The following CPPED1 variants were observed in gnomAD, a reference collection of about 807,000 sequenced individuals.
The protein encoded by CPPED1 is calcineurin like phosphoesterase domain containing 1, also known as serine/threonine-protein phosphatase CPPED1.
In CPPED1, 28 loss-of-function variants were observed where a neutral mutation model predicts 28.0. The observed-to-expected ratio is 1.00, with a 90% CI of 0.74 to 1.37. The LOEUF is 1.37. CPPED1 is among the 40% of genes most tolerant of loss of function. The pLI is 0.00. For missense variants in CPPED1, 504 were observed against 416.5 expected (o/e 1.21, Z -1.83); for synonymous variants, 198 against 180.2 (o/e 1.10, Z -0.79).
At chr16:12,745,420 T>G (rs563132121) in intron 2 of CPPED1, among the ~76,000 whole-genome samples, 36 of 152,264 alleles carry the variant, frequency 2.4e-4, no homozygotes, top group African/African-American at 8.7e-4. Context: ...GGAGTCAACC[T>G]AAATGCCCAC....
chr16:12,794,864 C>T (rs1389290570), intron 1 of CPPED1, among the ~76,000 whole-genome samples: 2 of 152,216 alleles, frequency 1.3e-5, no homozygotes, highest in Non-Finnish European at 2.9e-5. Context: ...CAATGGCCGT[C>T]CTTCCAAAAT....
rs1341248990 is a variant in CPPED1 at position 12,662,334 on chromosome 16, T to G, written c.*2552A>C. ...ACCTCTTGCCTCTGGGAAATACTGC[T>G]GTTTGCTTACTTAAAAAGTGGTGAG... On this transcript the variant is annotated 3_prime_UTR_variant, in exon 4 of 4. Coordinates refer to ENST00000381774, the MANE Select transcript of CPPED1 (RefSeq NM_018340.3). 2 of 152,232 alleles carry G rather than the reference T, an allele frequency of 1.3e-5. No individual in the cohort carries two copies. The highest frequency in any genetic ancestry group is 4.8e-5 in the African/African-American group (2 of 41,454). 9.4% of individuals were successfully genotyped at this position (152,232 alleles called of 1,614,324 possible).
chr16:12,672,278 T>C (rs1330881800), intron 3 of CPPED1, among the ~76,000 whole-genome samples: 1 of 152,212 alleles, frequency 6.6e-6, no homozygotes, highest in Non-Finnish European at 1.5e-5. Flanking sequence ...AAAAAAACCA[T>C]TTTGGTAGAC....
At position 12,690,527 on chromosome 16, in the gene CPPED1, A is replaced by AG. The variant is rs1364330789; in HGVS notation, c.715+14096_715+14097insC. Among the ~76,000 whole-genome samples the AG allele has an allele frequency of 9.9e-5, 15 of 151,526 alleles. No homozygotes were observed. The South Asian group carries it at 1.0e-3, about 11-fold the overall frequency. The stretch of plus-strand genomic sequence containing the variant: ...AGACTCCTTCTCAAGAAAGAAAGAA[A>AG]AAAAAAAGGCCAGGTGTGGTGGCTC... On this transcript the variant is annotated intron_variant, in intron 3 of 3. Coordinates refer to ENST00000381774, the MANE Select transcript of CPPED1 (RefSeq NM_018340.3).
chr16:12,787,538 G>A (rs1055002879), intron 1 of CPPED1, among the ~76,000 whole-genome samples: 4 of 151,560 alleles, frequency 2.6e-5, no homozygotes, highest in African/African-American at 9.7e-5. Flanking sequence ...CTGAGCAGCT[G>A]GGATTATACA....
intron 3 of CPPED1, 73 bp from the exon 4 acceptor site, chr16:12,665,188 T>C (rs979547346): frequency 7.6e-7 from 1 of 1,319,782 alleles, no homozygotes. Context: ...CAGCATTTTA[T>C]TCTGTGAACA....
intron 2 of CPPED1, among the ~76,000 whole-genome samples, chr16:12,734,075 T>G (rs1207398035): frequency 7.7e-6 from 1 of 129,726 alleles, no homozygotes; most frequent in African/African-American, 2.9e-5. Flanking sequence ...TTTTTTTTTT[T>G]TTTTTTTTTT....
intron 2 of CPPED1, among the ~76,000 whole-genome samples, chr16:12,707,858 G>C (rs1327375396): frequency 6.6e-6 from 1 of 152,110 alleles, no homozygotes; most frequent in Non-Finnish European, 1.5e-5. Flanking sequence ...GCAAAAATGA[G>C]CCTCTTGGCA....
chr16:12,704,789 A>G lies in CPPED1; in HGVS notation c.550T>C (p.Trp184Arg). The G allele has an allele frequency of 1.2e-6, 2 of 1,614,178 alleles. No individual in the cohort carries two copies. The change falls in exon 3 of 4, where the codon TGG becomes CGG. Residue 184 changes from tryptophan (W) to arginine (R), a missense_variant. Trp to Arg is a moderately radical substitution (Grantham distance 101, BLOSUM62 -3). Coordinates refer to ENST00000381774, the MANE Select transcript of CPPED1 (RefSeq NM_018340.3). ...GCGATGCTCAGCTGCTCGTCCAGCC[A>G]CTGGTCCTGAGCCTGCTTCAGGCTG... Reference protein sequence around the residue: ...CPSLKQAQDQWLDEQLSIARQ... With the variant: ...CPSLKQAQDQRLDEQLSIARQ...
At chr16:12,719,842 A>G (rs2080129135) in intron 2 of CPPED1, among the ~76,000 whole-genome samples, 1 of 152,106 alleles carries the variant, frequency 6.6e-6, no homozygotes, top group South Asian at 2.1e-4. Flanking sequence ...AGGGTGAGGC[A>G]GGAGAATTGC....
chr16:12,679,184 C>T (rs1191825700), intron 3 of CPPED1, among the ~76,000 whole-genome samples: 2 of 152,176 alleles, frequency 1.3e-5, no homozygotes, highest in Non-Finnish European at 2.9e-5. Flanking sequence ...AACTGCTATC[C>T]TCCCCATTCG....
At chr16:12,787,206 GA>G (rs2141242417) in intron 1 of CPPED1, among the ~76,000 whole-genome samples, 1 of 152,026 alleles carries the variant, frequency 6.6e-6, no homozygotes, top group South Asian at 2.1e-4. Context: ...AGGAATAAAA[GA>G]AAAAAGAATT....
At chr16:12,748,983 G>C (rs1029881662) in intron 2 of CPPED1, among the ~76,000 whole-genome samples, 6 of 151,714 alleles carry the variant, frequency 4.0e-5, no homozygotes, top group African/African-American at 1.5e-4. Flanking sequence ...GCAATCATCT[G>C]AGCCTTCAGT....
intron 2 of CPPED1, among the ~76,000 whole-genome samples, chr16:12,761,865 G>T (rs1409835582): frequency 6.6e-6 from 1 of 152,128 alleles, no homozygotes; most frequent in Non-Finnish European, 1.5e-5. Flanking sequence ...ACAAAAAGTA[G>T]CCGGGCATGG....
Position 12,701,231 on chromosome 16 carries a change from G to GA in CPPED1, c.715+3392dup, listed in dbSNP as rs936803374. The stretch of plus-strand genomic sequence containing the variant: ...GTGACATAGTAAGACTCCATCTCAA[G>GA]AAAAAAAAAATGTTGAGGCCGGGTG... On this transcript the variant is annotated intron_variant, in intron 3 of 3. Coordinates refer to ENST00000381774, the MANE Select transcript of CPPED1 (RefSeq NM_018340.3). 3.5e-4 allele frequency among the ~76,000 whole-genome samples: 52 copies of GA among 148,690 alleles called. 1 individual carries two copies. The highest frequency in any genetic ancestry group is 1.0e-3 in the African/African-American group (41 of 40,670).
At chr16:12,785,635 C>A (rs1393566179) in intron 1 of CPPED1, among the ~76,000 whole-genome samples, 2 of 152,002 alleles carry the variant, frequency 1.3e-5, no homozygotes, top group Non-Finnish European at 2.9e-5. Flanking sequence ...GCCATGTTGG[C>A]CAGGCTGGTC....
At chr16:12,732,024 G>T (rs971406742) in intron 2 of CPPED1, among the ~76,000 whole-genome samples, 1 of 151,988 alleles carries the variant, frequency 6.6e-6, no homozygotes, top group East Asian at 1.9e-4. Context: ...GTAGCTGGGC[G>T]TAGTGGCACA....
chr16:12,772,123 A>AAAAAC (rs914790170), intron 2 of CPPED1, among the ~76,000 whole-genome samples: 38 of 152,206 alleles, frequency 2.5e-4, no homozygotes, highest in African/African-American at 5.1e-4. Context: ...ACTCTGTCTG[A>AAAAAC]AAAACAAAAC....
chr16:12,743,817 AG>A (rs1292247065), intron 2 of CPPED1, among the ~76,000 whole-genome samples: 2 of 152,080 alleles, frequency 1.3e-5, no homozygotes, highest in African/African-American at 2.4e-5. Context: ...CAGTCTGGGC[AG>A]CACGATGAAA....
Sources: allele counts gnomAD v4.1 joint callset (sites outside exome capture counted in the v4.1 genomes callset), GRCh38; gene constraint gnomAD v4.1.1; transcripts MANE v1.5; gene names NCBI Gene and HGNC (gene_info 2026-07-23, HGNC 2026-07-21).